Variants in FHOD3 observed in about 807,000 individuals in gnomAD.
FHOD3 encodes FH1/FH2 domain-containing protein 3.
FHOD3 carries 90 observed loss-of-function variants against 173.0 expected under a neutral mutation model. The ratio of observed to expected loss-of-function variants is 0.52; its 90% CI spans 0.44 to 0.62. The LOEUF is 0.62. Among genes scored for constraint, FHOD3 ranks in the 20% least tolerant of loss-of-function variants. The pLI, the probability that FHOD3 is intolerant of heterozygous loss-of-function variation, is 0.00. For missense variants in FHOD3, 1,945 were observed against 2,034.7 expected, an observed-to-expected ratio of 0.96 and a Z score of 0.85; for synonymous variants, 828 against 823.0, an observed-to-expected ratio of 1.01 and a Z score of -0.10.
Position 36,437,665 on chromosome 18 carries a change from C to CTTTTTT in FHOD3, c.338-64255_338-64250dup, listed in dbSNP as rs1555704498. Among the ~76,000 whole-genome samples the CTTTTTT allele has an allele frequency of 1.7e-3, 115 of 69,460 alleles. 2 individuals carry two copies. The highest frequency in any genetic ancestry group is 4.7e-3 in the African/African-American group (105 of 22,268). The allele number at this position is 69,460 out of a possible 152,430, so 45.6% of individuals were successfully genotyped here. A position where few individuals can be genotyped will look rare whatever the true frequency, so the allele number is the denominator to read the frequency against. On this transcript the variant is annotated intron_variant, in intron 3 of 28. Transcript: ENST00000590592. The stretch of plus-strand genomic sequence containing the variant: ...CATTGAGCTTCTGGTTTCTTTCTTT[C>CTTTTTT]TTTTTTTTTTTTTTTTTAAGACAGA...
At chr18:36,414,715 A>G (rs1242049476) in intron 3 of FHOD3, among the ~76,000 whole-genome samples, 1 of 152,156 alleles carries the variant, frequency 6.6e-6, no homozygotes, top group Admixed American at 6.5e-5. Context: ...CTGTTTATTG[A>G]CCACATTCTG....
intron 20 of FHOD3, among the ~76,000 whole-genome samples, chr18:36,739,466 G>A (rs2041800751): frequency 6.6e-6 from 1 of 152,148 alleles, no homozygotes; most frequent in Admixed American, 6.5e-5. Context: ...TCCCAGTTTT[G>A]GGGCTCACCT....
rs8091680 is a variant in FHOD3, at chr18:36,675,510, A to G, written c.1836-5926A>G. ...CAGTGCACAGCCCTGAGACATGACT[A>G]TGATTAACTCAGCCTTCTGTGCCAG... On this transcript the variant is annotated intron_variant, in intron 14 of 28. Coordinates refer to ENST00000590592, the MANE Select transcript of FHOD3 (RefSeq NM_001281740.3). 9.5e-3 allele frequency among the ~76,000 whole-genome samples: 1,441 copies of G among 152,186 alleles called. 30 individuals are homozygous for G. Among genetic ancestry groups the G allele is most frequent in the African/African-American group, 0.032 (1,343 of 41,526 alleles).
intron 5 of FHOD3, among the ~76,000 whole-genome samples, chr18:36,569,508 T>G (rs2058382570): frequency 6.6e-6 from 1 of 152,174 alleles, no homozygotes; most frequent in Non-Finnish European, 1.5e-5. Flanking sequence ...AATACTTCTT[T>G]TTTGGTAATC....
intron 13 of FHOD3, among the ~76,000 whole-genome samples, chr18:36,654,292 C>T (rs2036263295): frequency 6.6e-6 from 1 of 152,146 alleles, no homozygotes; most frequent in African/African-American, 2.4e-5. Flanking sequence ...AGACCTTTCA[C>T]CTAATAAATA....
intron 1 of FHOD3, among the ~76,000 whole-genome samples, chr18:36,312,865 T>C (rs1367429092): frequency 6.6e-6 from 1 of 152,206 alleles, no homozygotes; most frequent in Non-Finnish European, 1.5e-5. Flanking sequence ...TCTCACAGTT[T>C]CCTTGGGCCA....
rs114232286 is a variant in FHOD3, at chr18:36,591,611, C to A, written c.607-3176C>A. Among the ~76,000 whole-genome samples, 268 of 152,250 alleles carry A rather than the reference C, an allele frequency of 1.8e-3. 2 individuals carry two copies. Among genetic ancestry groups the A allele is most frequent in the African/African-American group, 6.2e-3 (256 of 41,546 alleles). The stretch of plus-strand genomic sequence containing the variant: ...ACAAGCGTCTGTAGCAATTTCAGGT[C>A]ATGATAAAGGACGTGGATAGAAAAG... On this transcript the variant is annotated intron_variant, in intron 6 of 28. Transcript: ENST00000590592.
chr18:36,721,764 T>C (rs868364733), intron 19 of FHOD3, among the ~76,000 whole-genome samples: 30 of 152,384 alleles, frequency 2.0e-4, no homozygotes, highest in African/African-American at 6.5e-4. Context: ...GACTGTGGTT[T>C]TCATAAATCA....
intron 3 of FHOD3, among the ~76,000 whole-genome samples, chr18:36,410,306 A>G (rs2049291442): frequency 6.6e-6 from 1 of 152,102 alleles, no homozygotes; most frequent in Admixed American, 6.5e-5. Context: ...ATAACTTCTC[A>G]AGGTTCATCC....
intron 5 of FHOD3, among the ~76,000 whole-genome samples, chr18:36,537,627 A>G (rs1185144151): frequency 1.3e-5 from 2 of 152,204 alleles, no homozygotes; most frequent in Admixed American, 6.5e-5. Context: ...TTACATAATG[A>G]TGAAAAGTTC....
chr18:36,576,604 T>C (rs1238719688), intron 6 of FHOD3, 59 bp downstream of exon 6: 16 of 1,367,054 alleles, frequency 1.2e-5, no homozygotes, highest in Non-Finnish European at 1.5e-5. Flanking sequence ...GCCTTTCTTT[T>C]TTCTCTGAGT....
intron 5 of FHOD3, among the ~76,000 whole-genome samples, chr18:36,574,969 TC>T (rs200846555): frequency 2.6e-5 from 4 of 151,592 alleles, no homozygotes; most frequent in African/African-American, 7.3e-5. Flanking sequence ...TTCTTTTTTC[TC>T]TTTTTTTTTT....
chr18:36,762,973 ATTATATACGTTATATATGCG>A (rs1567956184), intron 27 of FHOD3, among the ~76,000 whole-genome samples: 3 of 148,260 alleles, frequency 2.0e-5, no homozygotes, highest in Non-Finnish European at 4.5e-5. Flanking sequence ...ATATATGCGT[ATTATATACGTTATATATGCG>A]TATTATATAC....
intron 14 of FHOD3, among the ~76,000 whole-genome samples, chr18:36,671,809 G>A (rs2037552654): frequency 6.6e-6 from 1 of 152,292 alleles, no homozygotes; most frequent in Middle Eastern, 3.4e-3. Context: ...AGGCGACAGG[G>A]ACTGCTTCTG....
At chr18:36,306,476 A>G (rs903281095) in intron 1 of FHOD3, among the ~76,000 whole-genome samples, 30 of 152,196 alleles carry the variant, frequency 2.0e-4, no homozygotes, top group African/African-American at 7.2e-4. Flanking sequence ...AGAACCAGAT[A>G]TGTTCCATTC....
At chr18:36,742,622 G>A (rs1314281209) in intron 21 of FHOD3, 115 bp from the exon 22 acceptor site, 2 of 1,151,656 alleles carry the variant, frequency 1.7e-6, no homozygotes, top group Non-Finnish European at 2.5e-6. Context: ...CATCGCGGGG[G>A]ATTGCCTTGT....
intron 7 of FHOD3, among the ~76,000 whole-genome samples, chr18:36,601,106 G>A (rs1409249494): frequency 6.6e-6 from 1 of 152,204 alleles, no homozygotes; most frequent in Non-Finnish European, 1.5e-5. Flanking sequence ...ACACCGTGGT[G>A]TGGACTTCAA....
At chr18:36,463,603 A>G (rs1357603120) in intron 3 of FHOD3, among the ~76,000 whole-genome samples, 2 of 151,970 alleles carry the variant, frequency 1.3e-5, no homozygotes, top group East Asian at 1.9e-4. Flanking sequence ...GCCTCAAGCA[A>G]TCATCCCACC....
chr18:36,543,460 C>A (rs777797461), intron 5 of FHOD3, among the ~76,000 whole-genome samples: 1 of 152,102 alleles, frequency 6.6e-6, no homozygotes, highest in Non-Finnish European at 1.5e-5. Context: ...TTGGACCATA[C>A]GCTGTCATAT....
Sources: allele counts gnomAD v4.1 joint callset (sites outside exome capture counted in the v4.1 genomes callset), GRCh38; gene constraint gnomAD v4.1.1; transcripts MANE v1.5; gene names NCBI Gene and HGNC (gene_info 2026-07-23, HGNC 2026-07-21).